Variants in WTAP observed in about 807,000 individuals in gnomAD.
WTAP encodes WT1 associated protein, also known as pre-mRNA-splicing regulator WTAP.
WTAP carries 8 observed loss-of-function variants against 50.0 expected under a neutral mutation model. That is an observed-to-expected ratio of 0.16 (90% CI 0.09 to 0.29). The LOEUF is 0.29. Ranked by LOEUF, WTAP falls within the 10% of genes least tolerant of loss-of-function variation. The pLI is 1.00. For synonymous variants in WTAP, 194 were observed against 169.0 expected, an observed-to-expected ratio of 1.15 and a Z score of -1.15; for missense variants, 295 against 470.7, an observed-to-expected ratio of 0.63 and a Z score of 3.45.
chr6:159,736,137 C>T (rs1778898512), intron 1 of WTAP, 121 bp from the exon 2 acceptor site: 3 of 1,002,090 alleles, frequency 3.0e-6, no homozygotes, highest in Non-Finnish European at 3.0e-6. Flanking sequence ...TATTTAAATT[C>T]TAATTATTCA....
Position 159,755,723 on chromosome 6 carries a change from GTTTT to G in WTAP, c.*118_*121del. On this transcript the variant is annotated 3_prime_UTR_variant, in exon 8 of 8. Coordinates refer to ENST00000621533, the MANE Select transcript of WTAP (RefSeq NM_001270531.2). Reference sequence around the variant, plus strand: ...TGCCTTTTTGTGGGTGTACGTTTTGGTTTTTTTTTGTTGTTTTTTTTCTTTGTTT... The same window carrying G: ...TGCCTTTTTGTGGGTGTACGTTTTGGTTTTTGTTGTTTTTTTTCTTTGTTT... 1.2e-6 allele frequency: 1 copy of G among 834,902 alleles called. No individual in the cohort carries two copies. The highest frequency in any genetic ancestry group is 3.1e-5 in the African/African-American group (1 of 31,952). 51.7% of individuals were successfully genotyped at this position (834,902 alleles called of 1,614,324 possible). A position where few individuals can be genotyped will look rare whatever the true frequency, so the allele number is the denominator to read the frequency against.
chr6:159,747,988 G>T (rs968329865), intron 5 of WTAP, among the ~76,000 whole-genome samples: 2 of 152,064 alleles, frequency 1.3e-5, no homozygotes, highest in African/African-American at 4.8e-5. Flanking sequence ...GATCAGATCG[G>T]GGTAATTAGC....
At chr6:159,736,958 C>T (rs1562455893) in intron 2 of WTAP, among the ~76,000 whole-genome samples, 1 of 152,126 alleles carries the variant, frequency 6.6e-6, no homozygotes, top group South Asian at 2.1e-4. Flanking sequence ...CAGAAGTTTC[C>T]TATTGTGGAG....
In WTAP at chr6:159,748,116, T is replaced by C; in HGVS notation, c.274-75T>C. 2 of 1,522,676 alleles carry C rather than the reference T, an allele frequency of 1.3e-6. No individual in the cohort carries two copies. The highest frequency in any genetic ancestry group is 1.8e-6 in the Non-Finnish European group (2 of 1,123,540). 94.3% of individuals were successfully genotyped at this position (1,522,676 alleles called of 1,614,324 possible). A position where few individuals can be genotyped will look rare whatever the true frequency, so the allele number is the denominator to read the frequency against. ...TGAAAGAGTTGGTAAATCAAGTGAA[T>C]GGAGGGAGTTTTCCCCACCTTCTTA... On this transcript the variant is annotated intron_variant, in intron 5 of 7. Transcript: ENST00000621533. This position sits in a 1 kb window ranked among gnomAD's most constrained non-coding sequence, Gnocchi z 5.6.
chr6:159,752,316 A>G (rs1309023633), intron 6 of WTAP, among the ~76,000 whole-genome samples: 2 of 152,112 alleles, frequency 1.3e-5, no homozygotes, highest in Non-Finnish European at 2.9e-5. Context: ...AAATATCACA[A>G]TTATTTACTT....
At position 159,735,708 on chromosome 6, in the gene WTAP, C is replaced by T. The variant is rs148862343; in HGVS notation, c.-8-550C>T. On this transcript the variant is annotated intron_variant, in intron 1 of 7. Transcript: ENST00000621533. ...AGGTTGCAGTGACCTGAGATCGCGC[C>T]ACTGCACTCCATCCTGGGCGACAGA... Among the ~76,000 whole-genome samples the T allele has an allele frequency of 5.9e-5, 9 of 152,078 alleles. No individual in the cohort carries two copies. In the East Asian group the frequency reaches 1.7e-3, roughly 29 times the overall value.
At chr6:159,727,855 T>G (rs549249988) in intron 1 of WTAP, among the ~76,000 whole-genome samples, 152 bp downstream of exon 1, 21 of 152,320 alleles carry the variant, frequency 1.4e-4, no homozygotes, top group Non-Finnish European at 2.6e-4. Flanking sequence ...CCGCTCTACC[T>G]TCCCGCCTGC....
intron 1 of WTAP, among the ~76,000 whole-genome samples, chr6:159,731,440 C>T (rs1778563966): frequency 6.6e-6 from 1 of 152,070 alleles, no homozygotes; most frequent in Admixed American, 6.5e-5. Context: ...TGCACTCCAG[C>T]CTGGGCGACA....
intron 7 of WTAP, among the ~76,000 whole-genome samples, 196 bp downstream of exon 7, chr6:159,753,810 T>C (rs1311168696): frequency 2.0e-5 from 3 of 147,454 alleles, no homozygotes; most frequent in Admixed American, 1.3e-4. Context: ...ATCCCCACCC[T>C]CCTAATTCTT....
In WTAP at chr6:159,755,765, CTTTTTTTTTTTTTT is replaced by C; in HGVS notation, c.*166_*179del. 5.8e-3 allele frequency: 998 copies of C among 173,376 alleles called. 11 individuals carry two copies. Among genetic ancestry groups the C allele is most frequent in the Admixed American group, 0.022 (69 of 3,068 alleles). The allele number at this position is 173,376 out of a possible 1,614,324, so 10.7% of individuals were successfully genotyped here. A position where few individuals can be genotyped will look rare whatever the true frequency, so the allele number is the denominator to read the frequency against. ...TTTTTCTTTGTTTTTTTTTTCTTTT[CTTTTTTTTTTTTTT>C]TTTTTTTTTTTGCTTCAATACTTCT... On this transcript the variant is annotated 3_prime_UTR_variant, in exon 8 of 8. Transcript: ENST00000621533.
chr6:159,755,445 C>G lies in WTAP; in HGVS notation c.1025C>G (p.Pro342Arg). ...GCGGGGTATGAAAGTGTAGACTCTC[C>G]CACGGGCAGTGAAAACTCTCTCACA... The part of the protein sequence containing the change: ...LSAGYESVDS[P>R]TGSENSLTHQ... The change falls in exon 8 of 8, where the codon CCC (proline) becomes CGC (arginine). Residue 342 changes from proline to arginine, a missense_variant. Transcript: ENST00000621533. 2 of 1,613,960 alleles carry G rather than the reference C, an allele frequency of 1.2e-6. No individual in the cohort carries two copies. Among genetic ancestry groups the G allele is most frequent in the Non-Finnish European group, 1.7e-6 (2 of 1,179,986 alleles).
chr6:159,731,831 G>C (rs546135344), intron 1 of WTAP, among the ~76,000 whole-genome samples: 47 of 152,306 alleles, frequency 3.1e-4, no homozygotes, highest in African/African-American at 1.0e-3. Context: ...ACCTGTTTCA[G>C]AATACCAAGG....
chr6:159,732,592 T>C (rs1001000545), intron 1 of WTAP, among the ~76,000 whole-genome samples: 1 of 152,178 alleles, frequency 6.6e-6, no homozygotes, highest in South Asian at 2.1e-4. Flanking sequence ...CCCAACACTT[T>C]GGGAGGCCAA....
At chr6:159,727,141 G>A (rs1336952072), upstream of WTAP, 1 of 1,195,022 alleles carries the variant, frequency 8.4e-7, no homozygotes. Flanking sequence ...AGCTTGCTGA[G>A]CTCCGGGGCC....
At chr6:159,754,486 A>T (rs1562468384) in intron 7 of WTAP, among the ~76,000 whole-genome samples, 1 of 152,220 alleles carries the variant, frequency 6.6e-6, no homozygotes. Context: ...ATATGGCAAG[A>T]TGGATCAAAA....
chr6:159,740,125 A>G (rs151150280), intron 3 of WTAP, among the ~76,000 whole-genome samples: 2,276 of 151,850 alleles, frequency 0.015, 57 homozygotes, highest in African/African-American at 0.052. Flanking sequence ...GATTACAGGC[A>G]TGGGCCACCA....
At chr6:159,742,014 T>TTTA in intron 3 of WTAP, 74 bp from the exon 4 acceptor site, 1 of 1,098,844 alleles carries the variant, frequency 9.1e-7, no homozygotes, top group Non-Finnish European at 1.3e-6. Context: ...AATCTGTGAG[T>TTTA]TTATAGATAT....
At chr6:159,733,948 A>G (rs1427616630) in intron 1 of WTAP, among the ~76,000 whole-genome samples, 1 of 152,222 alleles carries the variant, frequency 6.6e-6, no homozygotes, top group African/African-American at 2.4e-5. Flanking sequence ...GAAAGAAGCA[A>G]GCCAGTAATC....
At chr6:159,742,537 C>T (rs912714077) in intron 4 of WTAP, among the ~76,000 whole-genome samples, 4 of 152,108 alleles carry the variant, frequency 2.6e-5, no homozygotes, top group African/African-American at 9.7e-5. Context: ...TTTATGACAG[C>T]TTAAATCAAT....
Sources: gnomAD v4.1 joint callset for allele counts (sites outside exome capture counted in the v4.1 genomes callset) on GRCh38, gnomAD v4.1.1 for gene constraint, Gnocchi (gnomAD v3.1) non-coding constraint, MANE v1.5 for transcripts, NCBI Gene and HGNC (gene_info 2026-07-23, HGNC 2026-07-21) for gene names.